Variants in TAS2R1 observed in about 807,000 individuals in gnomAD.
The protein encoded by TAS2R1 is taste receptor type 2 member 1.
For missense variants in TAS2R1, 370 were observed against 353.4 expected (o/e 1.05, Z -0.38); for synonymous variants, 141 against 134.2 (o/e 1.05, Z -0.35).
intron 1 of TAS2R1, among the ~76,000 whole-genome samples, chr5:9,694,215 T>C (rs182510880): frequency 7.6e-4 from 116 of 151,984 alleles, no homozygotes; most frequent in Non-Finnish European, 1.5e-3. Context: ...CTGTTGGCAA[T>C]AAGAAAGCAG....
At chr5:9,796,720 G>GAAAAAAAAAAAAAAAAAAAAA in the TAS2R1 span, among the ~76,000 whole-genome samples, 1 of 77,326 alleles carries the variant, frequency 1.3e-5, no homozygotes, top group African/African-American at 6.2e-5. Flanking sequence ...GCTATTTTCT[G>GAAAAAAAAAAAAAAAAAAAAA]GAAAAAAAAA....
At chr5:9,720,908 C>T in the TAS2R1 span, among the ~76,000 whole-genome samples, 1 of 152,360 alleles carries the variant, frequency 6.6e-6, no homozygotes, top group Admixed American at 6.5e-5. Context: ...GCCCATTTCT[C>T]TTGTCACATT....
the TAS2R1 span, among the ~76,000 whole-genome samples, chr5:9,843,290 GGA>G: frequency 6.6e-6 from 1 of 151,934 alleles, no homozygotes; most frequent in Admixed American, 6.5e-5. Context: ...CTCATTTTGT[GGA>G]AAAGTCTTTG....
the TAS2R1 span, among the ~76,000 whole-genome samples, chr5:9,769,245 G>A: frequency 6.6e-6 from 1 of 152,018 alleles, no homozygotes; most frequent in Non-Finnish European, 1.5e-5. Context: ...CAAATGACAG[G>A]ATCTCATTCT....
At chr5:9,730,190 T>G in the TAS2R1 span, among the ~76,000 whole-genome samples, 1 of 152,206 alleles carries the variant, frequency 6.6e-6, no homozygotes, top group African/African-American at 2.4e-5. Context: ...GGATTCCACA[T>G]GTTACTGAGA....
chr5:9,677,905 A>T (rs1740906327), intron 1 of TAS2R1, among the ~76,000 whole-genome samples: 1 of 152,188 alleles, frequency 6.6e-6, no homozygotes, highest in Non-Finnish European at 1.5e-5. Flanking sequence ...TAATCACTAA[A>T]AAATGGAAAC....
At chr5:9,690,809 A>G (rs1741234077) in intron 1 of TAS2R1, among the ~76,000 whole-genome samples, 1 of 152,090 alleles carries the variant, frequency 6.6e-6, no homozygotes, top group African/African-American at 2.4e-5. Flanking sequence ...CCTGGGGCTC[A>G]TCCTCCTGAG....
At chr5:9,874,269 T>C in the TAS2R1 span, among the ~76,000 whole-genome samples, 9 of 152,240 alleles carry the variant, frequency 5.9e-5, no homozygotes, top group Admixed American at 5.9e-4. Context: ...AGATTATTTC[T>C]GTGCTACTTT....
the TAS2R1 span, among the ~76,000 whole-genome samples, chr5:9,787,710 A>C: frequency 6.6e-6 from 1 of 152,224 alleles, no homozygotes; most frequent in Non-Finnish European, 1.5e-5. Context: ...ACTCCTTTCC[A>C]GCAACTTTGC....
the TAS2R1 span, among the ~76,000 whole-genome samples, chr5:9,846,371 T>A: frequency 3.9e-5 from 6 of 152,212 alleles, no homozygotes; most frequent in Non-Finnish European, 8.8e-5. Context: ...CTCCTCATAG[T>A]CTGGGACAAT....
the TAS2R1 span, among the ~76,000 whole-genome samples, chr5:9,763,072 A>C: frequency 5.3e-4 from 80 of 152,338 alleles, 1 homozygote; most frequent in Middle Eastern, 6.8e-3. Flanking sequence ...GCATAAATTA[A>C]CTTTTTGCTT....
the TAS2R1 span, among the ~76,000 whole-genome samples, chr5:9,848,580 A>G: frequency 6.6e-6 from 1 of 152,200 alleles, no homozygotes; most frequent in Non-Finnish European, 1.5e-5. Context: ...TCACTAAGAG[A>G]GTAGATTTTA....
chr5:9,745,599 T>A, the TAS2R1 span, among the ~76,000 whole-genome samples: 1 of 151,908 alleles, frequency 6.6e-6, no homozygotes, highest in Non-Finnish European at 1.5e-5. Flanking sequence ...AAGAGAGACC[T>A]CAGAAATAAC....
At chr5:9,647,191 T>G (rs1044695667) in intron 2 of TAS2R1, among the ~76,000 whole-genome samples, 1 of 152,156 alleles carries the variant, frequency 6.6e-6, no homozygotes. Context: ...TGATTATTTG[T>G]GCCAACTCCT....
chr5:9,719,936 AAAC>A, the TAS2R1 span, among the ~76,000 whole-genome samples: 59 of 115,770 alleles, frequency 5.1e-4, no homozygotes, highest in African/African-American at 2.0e-3. Context: ...AAAAAAAAAA[AAAC>A]AAAAACAAAA....
the TAS2R1 span, among the ~76,000 whole-genome samples, chr5:9,838,453 G>A: frequency 6.6e-6 from 1 of 152,124 alleles, no homozygotes; most frequent in Admixed American, 6.5e-5. Context: ...AGCCAAGACA[G>A]CTCCTGAGCC....
At chr5:9,760,791 T>C in the TAS2R1 span, 6 of 152,360 alleles carry the variant, frequency 3.9e-5, no homozygotes, top group East Asian at 1.9e-4. Context: ...AAAAGTAAGA[T>C]ATTGTCTCTC....
At chr5:9,725,365 T>G in the TAS2R1 span, among the ~76,000 whole-genome samples, 1 of 152,160 alleles carries the variant, frequency 6.6e-6, no homozygotes, top group Non-Finnish European at 1.5e-5. Context: ...CAGTGGGAGT[T>G]CTGGGTAGGC....
At chr5:9,712,729 G>A (rs990469551), upstream of TAS2R1, among the ~76,000 whole-genome samples, 10 of 152,164 alleles carry the variant, frequency 6.6e-5, no homozygotes, top group Non-Finnish European at 1.3e-4. Flanking sequence ...TGTCTAGCAC[G>A]TGCGCTGTCT....
Sources: gnomAD v4.1 joint callset for allele counts (sites outside exome capture counted in the v4.1 genomes callset) on GRCh38, gnomAD v4.1.1 for gene constraint, MANE v1.5 for transcripts, NCBI Gene and HGNC (gene_info 2026-07-23, HGNC 2026-07-21) for gene names.